PRKCE: variants seen among roughly 807,000 people sequenced by gnomAD.
PRKCE encodes the protein protein kinase C epsilon, also known as protein kinase C epsilon type.
A neutral mutation model predicts 85.4 loss-of-function variants in PRKCE; 16 were observed. The observed-to-expected ratio is 0.19, with a 90% CI of 0.13 to 0.28. The LOEUF (loss-of-function observed/expected upper bound fraction) is 0.28, where lower values mean the gene tolerates loss of function less well. Ranked by LOEUF, PRKCE falls within the 10% of genes least tolerant of loss-of-function variation. PRKCE has a pLI of 1.00. For missense variants in PRKCE, 573 were observed against 975.2 expected, an observed-to-expected ratio of 0.59 and a Z score of 5.49; for synonymous variants, 388 against 371.5, an observed-to-expected ratio of 1.04 and a Z score of -0.51.
At chr2:45,869,434 A>G (rs1258339289) in intron 2 of PRKCE, among the ~76,000 whole-genome samples, 1 of 152,194 alleles carries the variant, frequency 6.6e-6, no homozygotes, top group African/African-American at 2.4e-5. Context: ...AAATATTGCT[A>G]ACGATGGTAA....
rs771116340 is a variant in PRKCE, at chr2:46,155,946, G to T, written c.1921-3660G>T. On this transcript the variant is annotated intron_variant, in intron 13 of 14. Transcript: ENST00000306156. The surrounding 1 kb of genome is among the most constrained non-coding windows in gnomAD (Gnocchi z 4.7). The stretch of plus-strand genomic sequence containing the variant: ...GGTGCAGCGCACCAGCATGGCACAT[G>T]TATACATATGTAACTAACCTGCACA... Among the ~76,000 whole-genome samples the T allele has an allele frequency of 1.4e-5, 2 of 146,398 alleles. No homozygotes were observed.
chr2:46,187,542 C>A lies in PRKCE; in HGVS notation c.*2661C>A, dbSNP rs576330449. Reference sequence around the variant, plus strand: ...TTTTCTGATCTTTCCAGCCCCACCCCCTTTCTCTTTCTCTCTCTCTCTCAA... The same window carrying A: ...TTTTCTGATCTTTCCAGCCCCACCCACTTTCTCTTTCTCTCTCTCTCTCAA... On this transcript the variant is annotated 3_prime_UTR_variant, in exon 15 of 15. Coordinates refer to ENST00000306156, the MANE Select transcript of PRKCE (RefSeq NM_005400.3). 1 of 152,428 alleles carries A rather than the reference C, an allele frequency of 6.6e-6. No homozygotes were observed. Among genetic ancestry groups the A allele is most frequent in the East Asian group, 1.9e-4 (1 of 5,164 alleles). The allele number at this position is 152,428 out of a possible 1,614,324, so 9.4% of individuals were successfully genotyped here.
At chr2:46,025,405 T>C (rs571098318) in intron 10 of PRKCE, among the ~76,000 whole-genome samples, 8 of 152,190 alleles carry the variant, frequency 5.3e-5, no homozygotes, top group Non-Finnish European at 1.2e-4. Flanking sequence ...TAATATCAGG[T>C]ATTCCAGGGA....
At chr2:46,000,139 G>A (rs1704550194) in intron 6 of PRKCE, among the ~76,000 whole-genome samples, 1 of 151,170 alleles carries the variant, frequency 6.6e-6, no homozygotes, top group African/African-American at 2.4e-5. Flanking sequence ...CTGGTTTTTT[G>A]GGGTTTTTTT....
chr2:46,124,993 G>T (rs1673708317), intron 11 of PRKCE, among the ~76,000 whole-genome samples: 1 of 152,154 alleles, frequency 6.6e-6, no homozygotes, highest in Non-Finnish European at 1.5e-5. Flanking sequence ...AAGAGACTTT[G>T]GTATTTATTT....
intron 11 of PRKCE, among the ~76,000 whole-genome samples, chr2:46,137,972 C>A (rs983703231): frequency 1.3e-5 from 2 of 152,190 alleles, no homozygotes; most frequent in Admixed American, 1.3e-4. Flanking sequence ...CATTTTCCTA[C>A]CCTAATAAAT....
At chr2:46,018,833 T>A (rs1706394298) in intron 10 of PRKCE, among the ~76,000 whole-genome samples, 1 of 152,220 alleles carries the variant, frequency 6.6e-6, no homozygotes, top group Non-Finnish European at 1.5e-5. Context: ...GCCAAATGAT[T>A]TCTAGGGTTC....
At chr2:45,755,398 G>A (rs991536496) in intron 1 of PRKCE, among the ~76,000 whole-genome samples, 5 of 152,192 alleles carry the variant, frequency 3.3e-5, no homozygotes, top group Non-Finnish European at 5.9e-5. Context: ...TAAATCTGAG[G>A]TGGTCCTGAG....
At chr2:45,940,129 G>T (rs1205776202) in intron 2 of PRKCE, among the ~76,000 whole-genome samples, 1 of 152,214 alleles carries the variant, frequency 6.6e-6, no homozygotes, top group African/African-American at 2.4e-5. Flanking sequence ...CATCAGCAAT[G>T]CAAATTGGAA....
At chr2:46,130,057 GT>G (rs569486448) in intron 11 of PRKCE, among the ~76,000 whole-genome samples, 9 of 152,068 alleles carry the variant, frequency 5.9e-5, no homozygotes, top group Admixed American at 5.2e-4. Flanking sequence ...AAAATAGCGA[GT>G]TTTTTTTAAC....
intron 1 of PRKCE, among the ~76,000 whole-genome samples, chr2:45,793,157 G>A (rs141850339): frequency 3.3e-5 from 5 of 152,324 alleles, no homozygotes; most frequent in Non-Finnish European, 7.3e-5. Context: ...CAGAGAAGAG[G>A]TGTTGAGTAA....
At chr2:45,808,095 A>G (rs568806779) in intron 1 of PRKCE, among the ~76,000 whole-genome samples, 4 of 152,034 alleles carry the variant, frequency 2.6e-5, no homozygotes, top group South Asian at 2.1e-4. Flanking sequence ...TCCCTCTCTG[A>G]CCATCTGTAA....
chr2:46,035,519 G>T (rs1175606349), intron 10 of PRKCE, among the ~76,000 whole-genome samples: 3 of 152,212 alleles, frequency 2.0e-5, no homozygotes, highest in African/African-American at 7.2e-5. Flanking sequence ...AGTCCAGGGG[G>T]TGCCCTCCCA....
chr2:45,870,190 C>T (rs1195475787), intron 2 of PRKCE, among the ~76,000 whole-genome samples: 3 of 152,180 alleles, frequency 2.0e-5, no homozygotes, highest in Non-Finnish European at 4.4e-5. Flanking sequence ...AAGTATTACT[C>T]TACTCACTCT....
intron 1 of PRKCE, among the ~76,000 whole-genome samples, chr2:45,776,105 T>C (rs1447909926): frequency 1.3e-5 from 2 of 152,264 alleles, no homozygotes; most frequent in Non-Finnish European, 2.9e-5. Context: ...GTGCAGAGTA[T>C]GTACTTATCA....
At chr2:45,984,842 G>T (rs1266227730) in intron 6 of PRKCE, among the ~76,000 whole-genome samples, 162 bp downstream of exon 6, 1 of 152,184 alleles carries the variant, frequency 6.6e-6, no homozygotes, top group Admixed American at 6.5e-5. Flanking sequence ...GCATTTGGTA[G>T]GCAGACTCTG....
At chr2:45,866,649 G>A (rs1023606820) in intron 2 of PRKCE, among the ~76,000 whole-genome samples, 3 of 152,144 alleles carry the variant, frequency 2.0e-5, no homozygotes, top group South Asian at 2.1e-4. Flanking sequence ...AGCAGGCGAC[G>A]GTGTTAATCT....
intron 10 of PRKCE, among the ~76,000 whole-genome samples, chr2:46,035,514 A>AG (rs1188294281): frequency 6.6e-6 from 1 of 152,192 alleles, no homozygotes; most frequent in Non-Finnish European, 1.5e-5. Flanking sequence ...TCTTTAGTCC[A>AG]GGGGGTGCCC....
At chr2:45,880,180 C>T (rs1389119011) in intron 2 of PRKCE, among the ~76,000 whole-genome samples, 1 of 152,200 alleles carries the variant, frequency 6.6e-6, no homozygotes, top group Non-Finnish European at 1.5e-5. Context: ...TTACGTTGCT[C>T]TGCAAATGAC....
Sources: gnomAD v4.1 joint callset for allele counts (sites outside exome capture counted in the v4.1 genomes callset) on GRCh38, gnomAD v4.1.1 for gene constraint, Gnocchi (gnomAD v3.1) non-coding constraint, MANE v1.5 for transcripts, NCBI Gene and HGNC (gene_info 2026-07-23, HGNC 2026-07-21) for gene names.